ATP4A: variants seen among roughly 807,000 people sequenced by gnomAD.
ATP4A encodes potassium-transporting ATPase alpha chain 1.
Under a neutral mutation model 112.1 loss-of-function variants are expected in ATP4A, and 73 were observed. That is an observed-to-expected ratio of 0.65 (90% CI 0.54 to 0.79). ATP4A has a LOEUF of 0.79. ATP4A is among the 30% of genes least tolerant of loss of function. The probability of loss-of-function intolerance (pLI) is 0.00; values close to 1 mark genes in which losing one functional copy is unlikely to be tolerated. For synonymous variants in ATP4A, 588 were observed against 588.9 expected, an observed-to-expected ratio of 1.00 and a Z score of 0.02; for missense variants, 1,081 against 1,425.9, an observed-to-expected ratio of 0.76 and a Z score of 3.90.
Position 35,553,858 on chromosome 19 carries a change from G to A in ATP4A, c.2482-29C>T, listed in dbSNP as rs1376272952. 6 of 1,550,436 alleles carry A rather than the reference G, an allele frequency of 3.9e-6. No individual in the cohort carries two copies. The African/African-American group carries it at 4.1e-5, about 11-fold the overall frequency. ...GCCAGGAGTGGAAGGAACTGGGACT[G>A]AGGGTTTGGCTGGGCCCTTGTCCCC... is the stretch of plus-strand genomic sequence containing the variant. On this transcript the variant is annotated intron_variant, in intron 16 of 21. Transcript: ENST00000262623.
In ATP4A at chr19:35,558,279, C is replaced by T. The variant is rs111879220; in HGVS notation, c.1500+83G>A. 5.3e-5 allele frequency: 79 copies of T among 1,499,230 alleles called. No individual in the cohort carries two copies. The African/African-American group carries it at 8.5e-4, about 16-fold the overall frequency. The allele number at this position is 1,499,230 out of a possible 1,614,324, so 92.9% of individuals were successfully genotyped here. ...AGAGAAGGGGCAAGGAGCGAAGCCC[C>T]TCGTGGCCCGCTGATGTGGGTGTGG... On this transcript the variant is annotated intron_variant, in intron 10 of 21. Coordinates refer to ENST00000262623, the MANE Select transcript of ATP4A (RefSeq NM_000704.3). This position sits in a 1 kb window ranked among gnomAD's most constrained non-coding sequence, Gnocchi z 5.1.
Position 35,559,229 on chromosome 19 carries a change from C to G in ATP4A, c.1057-38G>C, listed in dbSNP as rs747428032. ...TGAGCACCGCAGGCTGGGGACCCAC[C>G]CTGGCTTCCAGTCCTCTTCCCCGCG... is the stretch of plus-strand genomic sequence containing the variant. On this transcript the variant is annotated intron_variant, in intron 7 of 21. Transcript: ENST00000262623. This position sits in a 1 kb window ranked among gnomAD's most constrained non-coding sequence, Gnocchi z 4.1. 1 of 1,606,152 alleles carries G rather than the reference C, an allele frequency of 6.2e-7. No individual in the cohort carries two copies.
chr19:35,560,341 G>A lies in ATP4A; in HGVS notation c.787+22C>T. Reference sequence around the variant, plus strand: ...CAGTGGAGGCAGCAGTTACTGGGCAGGCAGGCGGGGGCTTCACAGACCCTC... The same window carrying A: ...CAGTGGAGGCAGCAGTTACTGGGCAAGCAGGCGGGGGCTTCACAGACCCTC... On this transcript the variant is annotated intron_variant, in intron 6 of 21. Transcript: ENST00000262623. The surrounding 1 kb of genome is among the most constrained non-coding windows in gnomAD (Gnocchi z 5.1). 1 of 1,610,996 alleles carries A rather than the reference G, an allele frequency of 6.2e-7. No homozygotes were observed. Among genetic ancestry groups the A allele is most frequent in the South Asian group, 1.1e-5 (1 of 91,002 alleles).
intron 4 of ATP4A, 37 bp downstream of exon 4, chr19:35,562,398 C>A: frequency 3.8e-6 from 6 of 1,595,296 alleles, no homozygotes; most frequent in Non-Finnish European, 5.1e-6. Context: ...ATCCCCAGGT[C>A]CCCATGTCCT....
chr19:35,551,245 G>A lies in ATP4A; in HGVS notation c.2886-134C>T, dbSNP rs527844373. On this transcript the variant is annotated intron_variant, in intron 19 of 21. Coordinates refer to ENST00000262623, the MANE Select transcript of ATP4A (RefSeq NM_000704.3). The surrounding 1 kb of genome is among the most constrained non-coding windows in gnomAD (Gnocchi z 5.2). ...TACACACTGAACACTGGAGTGGCCC[G>A]GGCCTCTCAGCACCACCCCTTTAGT... The A allele has an allele frequency of 1.4e-5, 16 of 1,180,706 alleles. No individual in the cohort carries two copies. The highest frequency in any genetic ancestry group is 7.6e-5 in the African/African-American group (5 of 65,798). 73.1% of individuals were successfully genotyped at this position (1,180,706 alleles called of 1,614,324 possible).
chr19:35,553,099 G>A lies in ATP4A; in HGVS notation c.2689C>T (p.Leu897=). The A allele has an allele frequency of 6.2e-7, 1 of 1,611,830 alleles. No homozygotes were observed. Among genetic ancestry groups the A allele is most frequent in the Non-Finnish European group, 8.5e-7 (1 of 1,178,166 alleles). The change falls in exon 18 of 22, where the codon CTG becomes TTG. Residue 897 remains leucine, a synonymous_variant. Coordinates refer to ENST00000262623, the MANE Select transcript of ATP4A (RefSeq NM_000704.3). The part of the protein sequence containing the change: ...EGWFPLLCVG[L]RAQWEDHHLQ... ...TGGTGGTCCTCCCACTGCGCCCGCA[G>A]CCCCACGCACAGCAGTGGGAACCAG...
At position 35,550,373 on chromosome 19, in the gene ATP4A, T is replaced by TC. The variant is rs2071594260; in HGVS notation, c.*241dup. On this transcript the variant is annotated 3_prime_UTR_variant, in exon 22 of 22. Transcript: ENST00000262623. The surrounding 1 kb of genome is among the most constrained non-coding windows in gnomAD (Gnocchi z 4.1). ...CCACCGCCACCACAGGTGGCGGCTT[T>TC]CCCGAGGCCAGCCCAGAGGACTGCC... 5 of 569,518 alleles carry TC rather than the reference T, an allele frequency of 8.8e-6. No homozygotes were observed. The highest frequency in any genetic ancestry group is 8.4e-5 in the South Asian group (4 of 47,450). The allele number at this position is 569,518 out of a possible 1,614,324, so 35.3% of individuals were successfully genotyped here.
At chr19:35,562,674 G>A in intron 3 of ATP4A, 36 bp from the exon 4 acceptor site, 1 of 1,542,536 alleles carries the variant, frequency 6.5e-7, no homozygotes, top group Non-Finnish European at 8.7e-7. Context: ...GGTCCTGGGG[G>A]CTTTCCTCCA....
In ATP4A at chr19:35,558,955, G is replaced by T. The variant is rs746008545; in HGVS notation, c.1255+38C>A. On this transcript the variant is annotated intron_variant, in intron 8 of 21. Transcript: ENST00000262623. The surrounding 1 kb of genome is among the most constrained non-coding windows in gnomAD (Gnocchi z 5.1). Reference sequence around the variant, plus strand: ...CTCTTCAGGTCTCCACCATCCACCAGATCCTGCCCTGGCGCCTGTGCCCTC... The same window carrying T: ...CTCTTCAGGTCTCCACCATCCACCATATCCTGCCCTGGCGCCTGTGCCCTC... 3.7e-6 allele frequency: 6 copies of T among 1,610,546 alleles called. No homozygotes were observed. The highest frequency in any genetic ancestry group is 1.7e-4 in the Middle Eastern group (1 of 6,050).
In ATP4A at chr19:35,558,538, C is replaced by A; in HGVS notation, c.1365+39G>T. 1 of 1,590,004 alleles carries A rather than the reference C, an allele frequency of 6.3e-7. No homozygotes were observed. Among genetic ancestry groups the A allele is most frequent in the Admixed American group, 1.8e-5 (1 of 55,058 alleles). ...GTGTCAGGGGCGAAGCCGGCTACACCAGCCTCCCGGGATTCCCTGGAGGCC... is the reference window on the plus strand; with the variant it reads ...GTGTCAGGGGCGAAGCCGGCTACACAAGCCTCCCGGGATTCCCTGGAGGCC... On this transcript the variant is annotated intron_variant, in intron 9 of 21. Coordinates refer to ENST00000262623, the MANE Select transcript of ATP4A (RefSeq NM_000704.3). The surrounding 1 kb of genome is among the most constrained non-coding windows in gnomAD (Gnocchi z 5.1).
chr19:35,554,785 G>A, intron 16 of ATP4A, 137 bp downstream of exon 16: 1 of 1,265,448 alleles, frequency 7.9e-7, no homozygotes. Flanking sequence ...GTCCTGCACT[G>A]GCTGTCATTG....
Position 35,558,144 on chromosome 19 carries a change from A to G in ATP4A, c.1500+218T>C. 1 of 668,212 alleles carries G rather than the reference A, an allele frequency of 1.5e-6. No individual in the cohort carries two copies. Among genetic ancestry groups the G allele is most frequent in the Non-Finnish European group, 2.5e-6 (1 of 403,258 alleles). 41.4% of individuals were successfully genotyped at this position (668,212 alleles called of 1,614,324 possible). ...TTGGAGAGCGAGGTGCTCCCCATGG[A>G]CAGTCCCGCCGAGGAGAAGCTGTGG... On this transcript the variant is annotated intron_variant, in intron 10 of 21. Transcript: ENST00000262623. The surrounding 1 kb of genome is among the most constrained non-coding windows in gnomAD (Gnocchi z 5.1).
At position 35,560,111 on chromosome 19, in the gene ATP4A, C is replaced by T. The variant is rs369831498; in HGVS notation, c.788-38G>A. The T allele has an allele frequency of 2.9e-5, 47 of 1,608,506 alleles. No homozygotes were observed. Among genetic ancestry groups the T allele is most frequent in the Non-Finnish European group, 3.5e-5 (41 of 1,177,502 alleles). ...CAAGGCGCGACTCAGGGATAGGGGG[C>T]GGCAGTGGGGTGTGCACTGCCGTGT... is the stretch of plus-strand genomic sequence containing the variant. On this transcript the variant is annotated intron_variant, in intron 6 of 21. Transcript: ENST00000262623. This position sits in a 1 kb window ranked among gnomAD's most constrained non-coding sequence, Gnocchi z 5.1.
chr19:35,555,005 G>A lies in ATP4A; in HGVS notation c.2398C>T (p.Pro800Ser), dbSNP rs772282579. 6.2e-7 allele frequency: 1 copy of A among 1,614,176 alleles called. No individual in the cohort carries two copies. Among genetic ancestry groups the A allele is most frequent in the Non-Finnish European group, 8.5e-7 (1 of 1,180,020 alleles). Reference protein sequence around the residue: ...TLTKNIPELTPYLIYITVSVP... With the variant: ...TLTKNIPELTSYLIYITVSVP... The stretch of plus-strand genomic sequence containing the variant: ...CTGACGGTGATGTAGATGAGGTAGG[G>A]TGTCAGCTCTGGGATGTTCTTGGTC... Residue 800 changes from proline to serine, a missense_variant, in exon 16 of 22, where the codon CCC becomes TCC. By Grantham distance (74) the Pro-to-Ser change is moderately conservative (BLOSUM62 -1). Transcript: ENST00000262623. This position sits in a 1 kb window ranked among gnomAD's most constrained non-coding sequence, Gnocchi z 6.6.
chr19:35,562,449 T>A lies in ATP4A; in HGVS notation c.406A>T (p.Thr136Ser). The A allele has an allele frequency of 6.2e-7, 1 of 1,613,914 alleles. No homozygotes were observed. Among genetic ancestry groups the A allele is most frequent in the South Asian group, 1.1e-5 (1 of 91,026 alleles). Residue 136 changes from threonine (T) to serine (S), a missense_variant, in exon 4 of 22, where the codon ACC becomes TCC. Physicochemically the swap from Thr to Ser is moderately conservative, Grantham distance 58 (BLOSUM62 1). Around this residue, in one of 3 missense-constraint regions of ATP4A, gnomAD observed 850 missense variants for 1,068.2 expected, o/e 0.80. Coordinates refer to ENST00000262623, the MANE Select transcript of ATP4A (RefSeq NM_000704.3). ...ACATGGCTCACATTGTCGTCGGTGG[T>A]GAGGTCCCCCTCACTAGCCTGGATG... Reference protein sequence around the residue: ...FAIQASEGDLTTDDNLYLAIA... With the variant: ...FAIQASEGDLSTDDNLYLAIA...
Position 35,559,727 on chromosome 19 carries a change from A to G in ATP4A, c.1056+78T>C, listed in dbSNP as rs1387245275. 6.5e-7 allele frequency: 1 copy of G among 1,547,320 alleles called. No homozygotes were observed. Among genetic ancestry groups the G allele is most frequent in the African/African-American group, 1.4e-5 (1 of 73,350 alleles). ...GGACAGATAGACAGGCAGGGAGGTGATGGGGGAAATGTGGAGGAAAGAACA... is the reference window on the plus strand; with the variant it reads ...GGACAGATAGACAGGCAGGGAGGTGGTGGGGGAAATGTGGAGGAAAGAACA... On this transcript the variant is annotated intron_variant, in intron 7 of 21. Coordinates refer to ENST00000262623, the MANE Select transcript of ATP4A (RefSeq NM_000704.3). This position sits in a 1 kb window ranked among gnomAD's most constrained non-coding sequence, Gnocchi z 4.1.
chr19:35,554,832 G>A, intron 16 of ATP4A, 90 bp downstream of exon 16: 1 of 1,545,120 alleles, frequency 6.5e-7, no homozygotes, highest in Non-Finnish European at 8.9e-7. Context: ...GTGCCCAAGA[G>A]TGTCTGTGGT....
chr19:35,558,794 G>T lies in ATP4A; in HGVS notation c.1256-108C>A, dbSNP rs2071649387. 1.5e-6 allele frequency: 2 copies of T among 1,325,228 alleles called. No homozygotes were observed. The highest frequency in any genetic ancestry group is 1.0e-6 in the Non-Finnish European group (1 of 983,260). The allele number at this position is 1,325,228 out of a possible 1,614,324, so 82.1% of individuals were successfully genotyped here. On this transcript the variant is annotated intron_variant, in intron 8 of 21. Transcript: ENST00000262623. This position sits in a 1 kb window ranked among gnomAD's most constrained non-coding sequence, Gnocchi z 5.1. ...GCGGGCCCCCTCCCCAGACCTGGGT[G>T]GAATTGGGTTCCACCCAACCCTGAG...
Position 35,557,040 on chromosome 19 carries a change from GC to G in ATP4A, c.1741del (p.Ala581ProfsTer4). The G allele has an allele frequency of 6.2e-7, 1 of 1,614,202 alleles. No homozygotes were observed. The highest frequency in any genetic ancestry group is 1.1e-5 in the South Asian group (1 of 91,092). On this transcript the variant is annotated frameshift_variant, in exon 12 of 22. Coordinates refer to ENST00000262623, the MANE Select transcript of ATP4A (RefSeq NM_000704.3). LOFTEE classifies it high-confidence loss of function. The surrounding 1 kb of genome is among the most constrained non-coding windows in gnomAD (Gnocchi z 4.4). ...AAAGTTCATGGCCTCTACGTCGAAG[GC>G]ATAGCCAGGCGGGTAGTCCTTCTCA... ...LNEKDYPPGY[A>X]FDVEAMNFPS...
Sources: allele counts gnomAD v4.1 joint callset, GRCh38; gene constraint gnomAD v4.1.1; regional missense constraint gnomAD v4.1.1; non-coding constraint Gnocchi (gnomAD v3.1); transcripts MANE v1.5; gene names NCBI Gene and HGNC (gene_info 2026-07-23, HGNC 2026-07-21).